The following GFRA1 variants were observed in gnomAD, a reference collection of about 807,000 sequenced individuals.
The protein encoded by GFRA1 is GDNF family receptor alpha 1.
A neutral mutation model predicts 51.6 loss-of-function variants in GFRA1; 16 were observed. The ratio of observed to expected loss-of-function variants is 0.31; its 90% CI spans 0.21 to 0.47. GFRA1 has a LOEUF of 0.47. Among genes scored for constraint, GFRA1 ranks in the 20% least tolerant of loss-of-function variants. The pLI, the probability that GFRA1 is intolerant of heterozygous loss-of-function variation, is 1.00. For synonymous variants in GFRA1, 270 were observed against 241.3 expected (o/e 1.12, Z -1.10); for missense variants, 530 against 594.3 (o/e 0.89, Z 1.13).
At chr10:116,170,279 G>A (rs866809659) in intron 5 of GFRA1, among the ~76,000 whole-genome samples, 10 of 152,312 alleles carry the variant, frequency 6.6e-5, no homozygotes, top group Middle Eastern at 6.8e-3. Context: ...CATGTTTTAA[G>A]CATCTACTAG....
chr10:116,194,047 A>T (rs1392930862), intron 5 of GFRA1, among the ~76,000 whole-genome samples: 17 of 110,954 alleles, frequency 1.5e-4, no homozygotes, highest in South Asian at 3.5e-4. Context: ...TCAATAAAAA[A>T]AAATAAATAA....
At chr10:116,076,716 G>C (rs557507844) in intron 9 of GFRA1, among the ~76,000 whole-genome samples, 48 of 152,272 alleles carry the variant, frequency 3.2e-4, no homozygotes, top group African/African-American at 1.1e-3. Flanking sequence ...AGCCAGAGCT[G>C]GTTCGCTCAA....
At chr10:116,068,312 G>A (rs1955212772) in intron 9 of GFRA1, among the ~76,000 whole-genome samples, 1 of 152,232 alleles carries the variant, frequency 6.6e-6, no homozygotes, top group Non-Finnish European at 1.5e-5. Context: ...AGGTTGAGCA[G>A]AGAGGCTCTG....
intron 5 of GFRA1, among the ~76,000 whole-genome samples, chr10:116,134,074 T>C (rs186318524): frequency 6.6e-5 from 10 of 152,300 alleles, no homozygotes; most frequent in Admixed American, 2.6e-4. Context: ...TAGAAATCTA[T>C]TTCTATGGAT....
At position 116,072,072 on chromosome 10, in the gene GFRA1, C is replaced by CT. The variant is rs572390494; in HGVS notation, c.1198-6447dup. ...ATCTCACCCACACCTAATCCAAAGG[C>CT]TTTTTTTTTTTTCAGGAATTTGCCT... On this transcript the variant is annotated intron_variant, in intron 9 of 10. Coordinates refer to ENST00000355422, the MANE Select transcript of GFRA1 (RefSeq NM_005264.8). Among the ~76,000 whole-genome samples the CT allele has an allele frequency of 9.2e-3, 1,315 of 142,402 alleles. 14 individuals carry two copies. The highest frequency in any genetic ancestry group is 0.027 in the African/African-American group (1,066 of 38,912). The allele number at this position is 142,402 out of a possible 152,430, so 93.4% of individuals were successfully genotyped here.
intron 9 of GFRA1, among the ~76,000 whole-genome samples, chr10:116,071,313 C>CA (rs1450395411): frequency 6.6e-6 from 1 of 152,210 alleles, no homozygotes; most frequent in African/African-American, 2.4e-5. Context: ...CAGAGGCTTT[C>CA]ATTACATTAA....
At chr10:116,213,650 A>G (rs981777063) in intron 4 of GFRA1, among the ~76,000 whole-genome samples, 1 of 152,256 alleles carries the variant, frequency 6.6e-6, no homozygotes, top group African/African-American at 2.4e-5. Context: ...CACCAGAAAC[A>G]TCAGCTCCTA....
intron 4 of GFRA1, among the ~76,000 whole-genome samples, chr10:116,232,678 G>A (rs1179288142): frequency 6.6e-6 from 1 of 152,178 alleles, no homozygotes; most frequent in Non-Finnish European, 1.5e-5. Flanking sequence ...GAAGTTTTCT[G>A]AAGTAGAACA....
intron 6 of GFRA1, among the ~76,000 whole-genome samples, chr10:116,099,085 T>C (rs1025551539): frequency 6.6e-6 from 1 of 152,220 alleles, no homozygotes; most frequent in Non-Finnish European, 1.5e-5. Flanking sequence ...GCAGCTATAC[T>C]TGGAGACAGG....
chr10:116,126,953 A>G (rs1383107662), intron 5 of GFRA1, among the ~76,000 whole-genome samples: 1 of 152,240 alleles, frequency 6.6e-6, no homozygotes, highest in Non-Finnish European at 1.5e-5. Context: ...CAACATGGAT[A>G]AACCTCGAGG....
At chr10:116,167,381 CT>C (rs376664213) in intron 5 of GFRA1, among the ~76,000 whole-genome samples, 3 of 152,170 alleles carry the variant, frequency 2.0e-5, no homozygotes, top group African/African-American at 7.2e-5. Context: ...AACACGTGGT[CT>C]GGCATAAGCC....
intron 5 of GFRA1, among the ~76,000 whole-genome samples, chr10:116,176,741 C>T (rs1961651992): frequency 7.0e-6 from 1 of 142,962 alleles, no homozygotes; most frequent in Admixed American, 7.0e-5. Flanking sequence ...TCCTTCCTTC[C>T]TTCCTTCCTT....
At chr10:116,184,820 G>A (rs1273326754) in intron 5 of GFRA1, among the ~76,000 whole-genome samples, 1 of 152,000 alleles carries the variant, frequency 6.6e-6, no homozygotes, top group Non-Finnish European at 1.5e-5. Flanking sequence ...CAGAGCCCTG[G>A]GTAGAGTCTC....
At chr10:116,119,279 A>G (rs961743252) in intron 6 of GFRA1, among the ~76,000 whole-genome samples, 8 of 152,146 alleles carry the variant, frequency 5.3e-5, no homozygotes, top group Admixed American at 3.9e-4. Context: ...AATCTGCTGT[A>G]GGCACATAGG....
chr10:116,255,863 T>G, intron 4 of GFRA1: 2 of 457,432 alleles, frequency 4.4e-6, no homozygotes, highest in Non-Finnish European at 5.8e-6. Flanking sequence ...AGAAAATCAG[T>G]GTTTTGGACT....
At chr10:116,225,735 G>A (rs1048256621) in intron 4 of GFRA1, among the ~76,000 whole-genome samples, 6 of 151,220 alleles carry the variant, frequency 4.0e-5, no homozygotes, top group African/African-American at 9.7e-5. Context: ...GATTACAGGC[G>A]CCCACCACCA....
At chr10:116,135,609 G>A (rs770186035) in intron 5 of GFRA1, among the ~76,000 whole-genome samples, 1 of 151,966 alleles carries the variant, frequency 6.6e-6, no homozygotes, top group Non-Finnish European at 1.5e-5. Context: ...CTCAAGTATA[G>A]AGAGGCACAA....
chr10:116,122,511 C>T (rs370071559), intron 6 of GFRA1, among the ~76,000 whole-genome samples: 13 of 152,294 alleles, frequency 8.5e-5, no homozygotes, highest in African/African-American at 4.8e-5. Context: ...TTCCTCCCAT[C>T]GCCTCCCCCA....
intron 4 of GFRA1, among the ~76,000 whole-genome samples, chr10:116,225,534 CAAAAAAAAAAAAAAA>C: frequency 1.6e-5 from 1 of 63,962 alleles, no homozygotes; most frequent in East Asian, 5.9e-4. Context: ...AGTCTGTCTC[CAAAAAAAAAAAAAAA>C]AAAAAAAAAA....
Sources: gnomAD v4.1 joint callset for allele counts (sites outside exome capture counted in the v4.1 genomes callset) on GRCh38, gnomAD v4.1.1 for gene constraint, MANE v1.5 for transcripts, NCBI Gene and HGNC (gene_info 2026-07-23, HGNC 2026-07-21) for gene names.